LAMA5: variants seen among roughly 807,000 people sequenced by gnomAD.
LAMA5 encodes laminin subunit alpha-5.
In LAMA5, 260 loss-of-function variants were observed where a neutral mutation model predicts 433.4. The observed-to-expected ratio is 0.60, with a 90% CI of 0.54 to 0.66. The LOEUF (loss-of-function observed/expected upper bound fraction) is 0.66, where lower values mean the gene tolerates loss of function less well. Among genes scored for constraint, LAMA5 ranks in the 30% least tolerant of loss-of-function variants. The probability of loss-of-function intolerance (pLI) is 0.00; values close to 1 mark genes in which losing one functional copy is unlikely to be tolerated. For missense variants in LAMA5, 5,378 were observed against 5,258.5 expected (o/e 1.02, Z -0.70); for synonymous variants, 2,620 against 2,226.6 (o/e 1.18, Z -4.97).
chr20:62,327,495 C>G (rs200947770), intron 37 of LAMA5, 34 bp downstream of exon 37: 1 of 1,611,472 alleles, frequency 6.2e-7, no homozygotes, highest in Non-Finnish European at 8.5e-7. Context: ...AAGACCTCCC[C>G]GAGAAGGCAA....
At position 62,309,994 on chromosome 20, in the gene LAMA5, G is replaced by C. The variant is rs1409082393; in HGVS notation, c.10822C>G (p.Leu3608Val). The C allele has an allele frequency of 1.2e-6, 2 of 1,610,582 alleles. No individual in the cohort carries two copies. The highest frequency in any genetic ancestry group is 1.7e-6 in the Non-Finnish European group (2 of 1,179,604). ...SVLCDGQWHR[L>V]AVMKSGNVLR... ...GCCACAGGAGGGGCCTCACCCGCTA[G>C]CCGGTGCCACTGGCCATCACACAGC... The change falls in exon 78 of 80, where the codon CTA becomes GTA. Residue 3608 changes from leucine (L) to valine (V), a missense_variant. Coordinates refer to ENST00000252999, the MANE Select transcript of LAMA5 (RefSeq NM_005560.6).
intron 2 of LAMA5, among the ~76,000 whole-genome samples, chr20:62,354,629 G>A (rs1285341110): frequency 6.6e-6 from 1 of 152,128 alleles, no homozygotes; most frequent in African/African-American, 2.4e-5. Context: ...CAGGAGCAGG[G>A]GGGGTCCCGA....
chr20:62,316,330 C>G (rs1986927205), intron 57 of LAMA5: 2 of 559,414 alleles, frequency 3.6e-6, no homozygotes, highest in African/African-American at 3.8e-5. Context: ...GCCCTCTGGT[C>G]CTAGCAGCTC....
At position 62,319,793 on chromosome 20, in the gene LAMA5, G is replaced by A. The variant is rs199975267; in HGVS notation, c.6762C>T (p.Ala2254=). The A allele has an allele frequency of 2.4e-3, 3,725 of 1,544,008 alleles. 8 individuals are homozygous for A. The highest frequency in any genetic ancestry group is 3.1e-3 in the Non-Finnish European group (3,522 of 1,144,958). The change falls in exon 51 of 80, where the codon GCC becomes GCT. Residue 2254 remains alanine (A), a splice_region_variant and synonymous_variant. Transcript: ENST00000252999. ...GQDARRLGGQ[A]VGTRDQASQL... ...GGCTCGCCTGGTCTCGGGTCCCCAC[G>A]GCCTGTGGAGGAAGAGCCCACTAGC...
Position 62,359,261 on chromosome 20 carries a change from AC to A in LAMA5, c.450+3138del, listed in dbSNP as rs550559548. 4.5e-4 allele frequency among the ~76,000 whole-genome samples: 68 copies of A among 151,990 alleles called. No individual in the cohort carries two copies. The highest frequency in any genetic ancestry group is 3.4e-3 in the Middle Eastern group (1 of 290). On this transcript the variant is annotated intron_variant, in intron 2 of 79. Transcript: ENST00000252999. This position sits in a 1 kb window ranked among gnomAD's most constrained non-coding sequence, Gnocchi z 4.3. ...AGAGCCCCGCCCCCACGGTCAGGCC[AC>A]CCAGGGGCCGACTGGAGAGGGAGGG...
intron 46 of LAMA5, 102 bp from the exon 47 acceptor site, chr20:62,322,551 C>G: frequency 6.9e-7 from 1 of 1,440,882 alleles, no homozygotes; most frequent in Middle Eastern, 2.2e-4. Flanking sequence ...CCCTGAGGCT[C>G]TGCCCATCAA....
intron 11 of LAMA5, among the ~76,000 whole-genome samples, chr20:62,341,250 G>T (rs1035212478): frequency 1.3e-5 from 2 of 152,020 alleles, no homozygotes; most frequent in Non-Finnish European, 2.9e-5. Context: ...CTTGAACAGT[G>T]ACGGGTTGAA....
chr20:62,357,287 A>T (rs1985377233), intron 2 of LAMA5, among the ~76,000 whole-genome samples: 1 of 152,138 alleles, frequency 6.6e-6, no homozygotes, highest in African/African-American at 2.4e-5. Flanking sequence ...CTGCAGGAAG[A>T]AGGGCGTTGT....
chr20:62,314,564 G>C lies in LAMA5; in HGVS notation c.8358C>G (p.Gly2786=). The change falls in exon 61 of 80, where the codon GGC becomes GGG. Residue 2786 remains glycine (G), a synonymous_variant. Transcript: ENST00000252999. The part of the protein sequence containing the change: ...GTEDRFVMYM[G]SRQATGDYMG... ...CCAGCCAGCCTGGTACCTGGCGGCT[G>C]CCCATGTACATCACAAAGCGATCCT... 1 of 1,609,110 alleles carries C rather than the reference G, an allele frequency of 6.2e-7. No homozygotes were observed. The highest frequency in any genetic ancestry group is 1.7e-5 in the Admixed American group (1 of 59,716).
Position 62,330,740 on chromosome 20 carries a change from C to A in LAMA5, c.3852+3G>T. On this transcript the variant is annotated splice_donor_region_variant and intron_variant, in intron 30 of 79. Coordinates refer to ENST00000252999, the MANE Select transcript of LAMA5 (RefSeq NM_005560.6). Reference sequence around the variant, plus strand: ...CCGTCCCTCTAGAGACTATGGCCCTCACCTGGGGCTCACGCAGCAGGGTGG... The same window carrying A: ...CCGTCCCTCTAGAGACTATGGCCCTAACCTGGGGCTCACGCAGCAGGGTGG... 1 of 1,558,798 alleles carries A rather than the reference C, an allele frequency of 6.4e-7. No individual in the cohort carries two copies. The highest frequency in any genetic ancestry group is 8.7e-7 in the Non-Finnish European group (1 of 1,151,940).
intron 16 of LAMA5, 110 bp downstream of exon 16, chr20:62,337,480 A>G (rs928472927): frequency 3.2e-5 from 46 of 1,422,368 alleles, no homozygotes; most frequent in Admixed American, 6.2e-5. Flanking sequence ...GTCGCAGTAC[A>G]CACAGCAAGA....
chr20:62,351,061 G>A (rs1047330592), intron 6 of LAMA5: 1 of 154,576 alleles, frequency 6.5e-6, no homozygotes, highest in South Asian at 2.0e-4. Context: ...TCCTGTGAGG[G>A]GCTCCCGGGA....
rs1852097917 is a variant in LAMA5 at position 62,318,492 on chromosome 20, G to C, written c.7201C>G (p.Leu2401Val). The C allele has an allele frequency of 6.2e-7, 1 of 1,608,190 alleles. No individual in the cohort carries two copies. ...AVDATREAQE[L>V]NSRNQERLEE... is the part of the protein sequence containing the mutation. Reference sequence around the variant, plus strand: ...AGGCGCTCCTGGTTGCGGCTGTTGAGCTCCTGGGCCTCCCGTGTGGCGTCC... The same window carrying C: ...AGGCGCTCCTGGTTGCGGCTGTTGACCTCCTGGGCCTCCCGTGTGGCGTCC... Residue 2401 changes from leucine to valine, a missense_variant, in exon 53 of 80, where the codon CTC becomes GTC. Transcript: ENST00000252999.
chr20:62,364,080 C>T (rs1430399440), intron 1 of LAMA5, among the ~76,000 whole-genome samples: 2 of 152,208 alleles, frequency 1.3e-5, no homozygotes, highest in Non-Finnish European at 2.9e-5. Flanking sequence ...CTCCTTATTC[C>T]CGCTGTGTCC....
At chr20:62,323,188 A>G (rs57627107) in intron 45 of LAMA5, among the ~76,000 whole-genome samples, 32,962 of 148,282 alleles carry the variant, frequency 0.22, 3,844 homozygotes, top group African/African-American at 0.26. Flanking sequence ...GTCTGATTGT[A>G]GTAGGGAGAA....
At chr20:62,327,193 A>G in intron 38 of LAMA5, 40 bp downstream of exon 38, 2 of 1,458,668 alleles carry the variant, frequency 1.4e-6, no homozygotes, top group Non-Finnish European at 1.8e-6. Flanking sequence ...CGTCCTGGCC[A>G]TCCTCAAAGT....
Position 62,335,166 on chromosome 20 carries a change from G to T in LAMA5, c.2377-40C>A, listed in dbSNP as rs372454299. ...AGGAGGTGAAGTGGGGCAGGGGAGG[G>T]TCCTGACCAGTGTGCCCCCAAATCC... On this transcript the variant is annotated intron_variant, in intron 19 of 79. Transcript: ENST00000252999. 3 of 1,611,798 alleles carry T rather than the reference G, an allele frequency of 1.9e-6. No individual in the cohort carries two copies. The African/African-American group carries it at 4.0e-5, about 22-fold the overall frequency.
chr20:62,325,346 G>C lies in LAMA5; in HGVS notation c.5499C>G (p.Cys1833Trp). The stretch of plus-strand genomic sequence containing the variant: ...ATGAGTCCCCCCGGTAGCTGGCGGG[G>C]CACAGGCACAGCTCCACATTGCTGG... ...ALASNVELCL[C>W]PASYRGDSCQ... Residue 1833 changes from cysteine (C) to tryptophan (W), a missense_variant, in exon 41 of 80, where the codon TGC becomes TGG. Physicochemically the swap from Cys to Trp is radical, Grantham distance 215 (BLOSUM62 -2). Transcript: ENST00000252999. 6.3e-7 allele frequency: 1 copy of C among 1,598,738 alleles called. No individual in the cohort carries two copies. Among genetic ancestry groups the C allele is most frequent in the Non-Finnish European group, 8.5e-7 (1 of 1,170,760 alleles).
chr20:62,334,542 G>A lies in LAMA5; in HGVS notation c.2562C>T (p.Thr854=), dbSNP rs1290029683. The A allele has an allele frequency of 1.2e-5, 18 of 1,548,556 alleles. No individual in the cohort carries two copies. The highest frequency in any genetic ancestry group is 2.4e-5 in the East Asian group (1 of 40,926). The part of the protein sequence containing the change: ...RTGVCRCRPN[T]QGPTCSEPAR... Reference sequence around the variant, plus strand: ...CCCACTCGCTGCAGGTGGGGCCCTGGGTGTTGGGGCGGCACCGGCAGACGC... The same window carrying A: ...CCCACTCGCTGCAGGTGGGGCCCTGAGTGTTGGGGCGGCACCGGCAGACGC... The change falls in exon 21 of 80, where the codon ACC becomes ACT. Residue 854 remains threonine, a synonymous_variant. Transcript: ENST00000252999.
Sources: gnomAD v4.1 joint callset for allele counts (sites outside exome capture counted in the v4.1 genomes callset) on GRCh38, gnomAD v4.1.1 for gene constraint, Gnocchi (gnomAD v3.1) non-coding constraint, MANE v1.5 for transcripts, NCBI Gene and HGNC (gene_info 2026-07-23, HGNC 2026-07-21) for gene names.